TASP1: variants seen among roughly 807,000 people sequenced by gnomAD.
The protein encoded by TASP1 is threonine aspartase 1.
A neutral mutation model predicts 56.6 loss-of-function variants in TASP1; 16 were observed. The ratio of observed to expected loss-of-function variants is 0.28; its 90% CI spans 0.19 to 0.43. TASP1 has a LOEUF of 0.43. Ranked by LOEUF, TASP1 falls within the 20% of genes least tolerant of loss-of-function variation. TASP1 has a pLI of 1.00. For missense variants in TASP1, 393 were observed against 511.6 expected (o/e 0.77, Z 2.24); for synonymous variants, 179 against 184.2 (o/e 0.97, Z 0.23).
At chr20:13,528,558 T>C in intron 9 of TASP1, 47 bp from the exon 10 acceptor site, 1 of 1,486,876 alleles carries the variant, frequency 6.7e-7, no homozygotes, top group Non-Finnish European at 9.1e-7. Flanking sequence ...ATATCATATG[T>C]AATTATTAGT....
At chr20:13,295,767 T>C in the TASP1 span, among the ~76,000 whole-genome samples, 1 of 152,212 alleles carries the variant, frequency 6.6e-6, no homozygotes, top group Non-Finnish European at 1.5e-5. Flanking sequence ...AAGTTGCCTG[T>C]TGGAGGAGTC....
chr20:13,626,376 A>G (rs1286713831), intron 2 of TASP1, among the ~76,000 whole-genome samples: 2 of 152,334 alleles, frequency 1.3e-5, no homozygotes, highest in East Asian at 3.9e-4. Context: ...GCAGTGAACC[A>G]AGATCATGCC....
chr20:13,139,653 A>G, the TASP1 span, among the ~76,000 whole-genome samples: 2 of 152,216 alleles, frequency 1.3e-5, no homozygotes, highest in African/African-American at 4.8e-5. Context: ...GCCTAACCAC[A>G]AAGGAACCTG....
the TASP1 span, chr20:13,300,255 A>G: frequency 6.6e-6 from 1 of 152,230 alleles, no homozygotes; most frequent in Non-Finnish European, 1.5e-5. Context: ...GGTTCAGAAG[A>G]CTGCAGCCAA....
chr20:13,383,875 G>A, the TASP1 span, among the ~76,000 whole-genome samples: 1 of 152,306 alleles, frequency 6.6e-6, no homozygotes, highest in East Asian at 1.9e-4. Context: ...GGGGTGATTT[G>A]TTATTCAGCC....
At chr20:13,324,017 C>G in the TASP1 span, among the ~76,000 whole-genome samples, 1 of 152,172 alleles carries the variant, frequency 6.6e-6, no homozygotes, top group East Asian at 1.9e-4. Flanking sequence ...ATCTCCCTTC[C>G]TATAAGGACA....
intron 12 of TASP1, among the ~76,000 whole-genome samples, chr20:13,417,732 A>T (rs1328906979): frequency 1.3e-5 from 2 of 152,224 alleles, no homozygotes; most frequent in Non-Finnish European, 2.9e-5. Flanking sequence ...CTTTCCTGTC[A>T]AAAGTTATGA....
intron 10 of TASP1, among the ~76,000 whole-genome samples, chr20:13,500,628 G>A (rs550680281): frequency 6.6e-6 from 1 of 151,932 alleles, no homozygotes; most frequent in East Asian, 1.9e-4. Context: ...TATCACAAGT[G>A]AAAATGCATT....
the TASP1 span, among the ~76,000 whole-genome samples, chr20:13,311,255 A>AGATAGATAGAT: frequency 9.1e-5 from 12 of 132,506 alleles, no homozygotes; most frequent in African/African-American, 3.6e-4. Context: ...ATAGATAGAT[A>AGATAGATAGAT]GATAGATAGA....
At position 13,415,967 on chromosome 20, in the gene TASP1, G is replaced by C. The variant is rs2042240791; in HGVS notation, c.1170+1481C>G. On this transcript the variant is annotated intron_variant, in intron 13 of 13. Transcript: ENST00000337743. Reference sequence around the variant, plus strand: ...TTTATCAGGCTTGTTTTATGTATGGGAACTGTTTTGTCACTGAGAAGAAAT... The same window carrying C: ...TTTATCAGGCTTGTTTTATGTATGGCAACTGTTTTGTCACTGAGAAGAAAT... 2.0e-5 allele frequency among the ~76,000 whole-genome samples: 3 copies of C among 152,136 alleles called. No homozygotes were observed. In the South Asian group the frequency reaches 6.2e-4, roughly 32 times the overall value.
In TASP1 at chr20:13,449,816, G is replaced by C. The variant is rs147178509; in HGVS notation, c.986-14662C>G. Among the ~76,000 whole-genome samples, 104 of 152,216 alleles carry C rather than the reference G, an allele frequency of 6.8e-4. 1 individual carries two copies. The highest frequency in any genetic ancestry group is 2.4e-3 in the African/African-American group (101 of 41,556). On this transcript the variant is annotated intron_variant, in intron 11 of 13. Transcript: ENST00000337743. ...TGAAACTGTCACATATCCCTATATA[G>C]TGAATCACTGTATCCTGAACCCTAT...
intron 11 of TASP1, among the ~76,000 whole-genome samples, chr20:13,458,678 A>T (rs1349785016): frequency 1.3e-5 from 2 of 152,040 alleles, no homozygotes; most frequent in African/African-American, 4.8e-5. Context: ...GGGATAAATA[A>T]AAAAAAGAAT....
chr20:13,444,737 A>C (rs1479151630), intron 11 of TASP1, among the ~76,000 whole-genome samples: 1 of 152,146 alleles, frequency 6.6e-6, no homozygotes, highest in African/African-American at 2.4e-5. Context: ...GATGTTCACT[A>C]CACTCACTTT....
At chr20:13,614,864 C>T (rs2048467734) in intron 4 of TASP1, 1 of 466,684 alleles carries the variant, frequency 2.1e-6, no homozygotes, top group African/African-American at 2.0e-5. Context: ...CTGAAATTGT[C>T]CTTTCCACAT....
intron 11 of TASP1, among the ~76,000 whole-genome samples, chr20:13,458,486 T>G (rs1283845745): frequency 6.6e-6 from 1 of 152,060 alleles, no homozygotes. Flanking sequence ...TAGCTGGGAT[T>G]ACAGGTGCCC....
chr20:13,417,451 G>A lies in TASP1; in HGVS notation c.1167C>T (p.Ala389=), dbSNP rs746502502. 6.2e-7 allele frequency: 1 copy of A among 1,614,000 alleles called. No individual in the cohort carries two copies. Among genetic ancestry groups the A allele is most frequent in the South Asian group, 1.1e-5 (1 of 91,076 alleles). ...ATGACCGTTTTTTCCCACTTACCTT[G>A]GCTTTCCCATCCTGGGCTGACATAT... ...VGYMSAQDGK[A]KTHISRLPPG... is the part of the protein sequence containing the mutation. Residue 389 remains alanine, a synonymous_variant, in exon 13 of 14, where the codon GCC becomes GCT. Transcript: ENST00000337743.
intron 10 of TASP1, 98 bp downstream of exon 10, chr20:13,528,335 T>C (rs1275946307): frequency 7.2e-6 from 7 of 973,900 alleles, no homozygotes; most frequent in Non-Finnish European, 9.1e-6. Flanking sequence ...TACACTGTCA[T>C]AGCACATGTT....
At chr20:13,348,300 C>T in the TASP1 span, among the ~76,000 whole-genome samples, 2 of 152,200 alleles carry the variant, frequency 1.3e-5, no homozygotes, top group African/African-American at 4.8e-5. Context: ...ATAAAAGCTA[C>T]TTTTACTTTT....
intron 3 of TASP1, among the ~76,000 whole-genome samples, chr20:13,624,520 A>G (rs2048819702): frequency 6.6e-6 from 1 of 151,528 alleles, no homozygotes; most frequent in Non-Finnish European, 1.5e-5. Flanking sequence ...TGAAAAGAGC[A>G]GAGAGAGAGA....
Sources: gnomAD v4.1 joint callset for allele counts (sites outside exome capture counted in the v4.1 genomes callset) on GRCh38, gnomAD v4.1.1 for gene constraint, MANE v1.5 for transcripts, NCBI Gene and HGNC (gene_info 2026-07-23, HGNC 2026-07-21) for gene names.